The following PPM1B variants were observed in gnomAD, a reference collection of about 807,000 sequenced individuals.
PPM1B encodes the protein protein phosphatase, Mg2+/Mn2+ dependent 1B.
A neutral mutation model predicts 43.0 loss-of-function variants in PPM1B; 22 were observed. The ratio of observed to expected loss-of-function variants is 0.51; its 90% CI spans 0.37 to 0.73. The LOEUF (loss-of-function observed/expected upper bound fraction) is 0.73, where lower values mean the gene tolerates loss of function less well. PPM1B is among the 30% of genes least tolerant of loss of function. PPM1B has a pLI of 0.00. For missense variants in PPM1B, 632 were observed against 584.2 expected (o/e 1.08, Z -0.84); for synonymous variants, 217 against 197.9 (o/e 1.10, Z -0.81).
chr2:44,230,389 T>G (rs1478317133), intron 5 of PPM1B, 24 bp from the exon 6 acceptor site: 2 of 1,609,618 alleles, frequency 1.2e-6, no homozygotes, highest in Non-Finnish European at 8.5e-7. Context: ...CTACTGACAC[T>G]GGGGTCTTGA....
At chr2:44,218,571 T>C in intron 5 of PPM1B, 34 bp downstream of exon 5, 1 of 1,403,218 alleles carries the variant, frequency 7.1e-7, no homozygotes, top group Non-Finnish European at 9.9e-7. Flanking sequence ...GCATTTGAAG[T>C]AATTTCACAA....
At position 44,169,141 on chromosome 2, in the gene PPM1B, C is replaced by CGGAGGCGGT; in HGVS notation, c.-140_-139insTGGAGGCGG. On this transcript the variant is annotated 5_prime_UTR_variant, in exon 1 of 6. Transcript: ENST00000282412. ...AGGGGCCGGGCGGTGTAAACAGCCC[C>CGGAGGCGGT]GGAGGCGGCGGTCGAGACCCCGAGG... The CGGAGGCGGT allele has an allele frequency of 7.9e-5, 2 of 25,402 alleles. No homozygotes were observed. Among genetic ancestry groups the CGGAGGCGGT allele is most frequent in the South Asian group, 1.6e-4 (1 of 6,162 alleles). The allele number at this position is 25,402 out of a possible 1,614,324, so 1.6% of individuals were successfully genotyped here. A position where few individuals can be genotyped will look rare whatever the true frequency, so the allele number is the denominator to read the frequency against.
Position 44,218,533 on chromosome 2 carries a change from A to G in PPM1B, c.1130A>G (p.Asp377Gly). The G allele has an allele frequency of 8.2e-6, 13 of 1,579,084 alleles. No homozygotes were observed. Among genetic ancestry groups the G allele is most frequent in the African/African-American group, 1.4e-5 (1 of 72,886 alleles). ...AGACTGAATCCACATAGAGAAAGTG[A>G]TGGGGTAAGTTTTATTTTATTTCAT... Reference protein sequence around the residue: ...YSRLNPHRESDGASDEAEESG... With the variant: ...YSRLNPHRESGGASDEAEESG... Residue 377 changes from aspartate to glycine, a missense_variant, in exon 5 of 6, where the codon GAT becomes GGT. Coordinates refer to ENST00000282412, the MANE Select transcript of PPM1B (RefSeq NM_002706.6).
At chr2:44,212,301 T>G (rs1306935387) in intron 3 of PPM1B, among the ~76,000 whole-genome samples, 1 of 152,184 alleles carries the variant, frequency 6.6e-6, no homozygotes, top group Non-Finnish European at 1.5e-5. Flanking sequence ...GAAAGAAACC[T>G]GTCCTCTACT....
intron 5 of PPM1B, among the ~76,000 whole-genome samples, chr2:44,227,386 A>G (rs1453919569): frequency 1.3e-5 from 2 of 152,212 alleles, no homozygotes; most frequent in Non-Finnish European, 2.9e-5. Context: ...AAAATAAAGT[A>G]TCTAGAACTC....
intron 1 of PPM1B, among the ~76,000 whole-genome samples, chr2:44,173,625 G>C (rs1667451893): frequency 6.6e-6 from 1 of 152,024 alleles, no homozygotes; most frequent in South Asian, 2.1e-4. Flanking sequence ...GTTATTGCTT[G>C]GCATAACATA....
intron 3 of PPM1B, chr2:44,209,549 A>ATAC: frequency 1.2e-5 from 5 of 413,178 alleles, no homozygotes; most frequent in South Asian, 9.0e-5. Flanking sequence ...TGGCAGGCTG[A>ATAC]GGCGGGCAGA....
chr2:44,210,694 T>A (rs1235842717), intron 3 of PPM1B, among the ~76,000 whole-genome samples: 1 of 152,126 alleles, frequency 6.6e-6, no homozygotes, highest in East Asian at 1.9e-4. Context: ...TCCTTCCCTC[T>A]CCACCTCTCT....
At chr2:44,193,845 C>T (rs897151563) in intron 1 of PPM1B, among the ~76,000 whole-genome samples, 58 of 152,058 alleles carry the variant, frequency 3.8e-4, no homozygotes, top group African/African-American at 1.2e-3. Context: ...TCCCACAGTG[C>T]TGGGATTACA....
intron 5 of PPM1B, 67 bp downstream of exon 5, chr2:44,218,604 A>G: frequency 9.3e-7 from 1 of 1,076,700 alleles, no homozygotes; most frequent in East Asian, 2.5e-5. Context: ...ATATGAATAC[A>G]TTCACATTAA....
At chr2:44,234,823 T>C (rs1246806889), downstream of PPM1B, among the ~76,000 whole-genome samples, 4 of 152,250 alleles carry the variant, frequency 2.6e-5, no homozygotes, top group Non-Finnish European at 5.9e-5. Context: ...AATTACATGT[T>C]AATATATAAA....
At chr2:44,209,465 T>A in intron 3 of PPM1B, 138 bp downstream of exon 3, 2 of 933,866 alleles carry the variant, frequency 2.1e-6, no homozygotes, top group Non-Finnish European at 3.1e-6. Flanking sequence ...GAAAGTATTC[T>A]TTTTGTTTAT....
At chr2:44,178,626 AC>A (rs1558388396) in intron 1 of PPM1B, among the ~76,000 whole-genome samples, 1 of 151,658 alleles carries the variant, frequency 6.6e-6, no homozygotes, top group Non-Finnish European at 1.5e-5. Context: ...CTGCCACCAC[AC>A]CCAGCTAATT....
intron 2 of PPM1B, among the ~76,000 whole-genome samples, chr2:44,205,354 G>T (rs5029572): frequency 1.3e-3 from 117 of 91,816 alleles, no homozygotes; most frequent in Admixed American, 8.7e-3. Context: ...TGTGGGTGTG[G>T]GTGTGTGTGT....
rs558714401 is a variant in PPM1B, at chr2:44,198,824, TA to T, written c.-14-2358del. On this transcript the variant is annotated intron_variant, in intron 1 of 5. Transcript: ENST00000282412. ...TTCTTACTTTTGGTCATAGGGCTGG[TA>T]AAAGTGCAGGTAGTGTCTGGCATTT... 1.8e-3 allele frequency among the ~76,000 whole-genome samples: 281 copies of T among 152,276 alleles called. 6 individuals carry two copies. The highest frequency in any genetic ancestry group is 2.9e-4 in the Non-Finnish European group (20 of 68,018).
chr2:44,212,589 A>C (rs1487130369), intron 3 of PPM1B, among the ~76,000 whole-genome samples: 1 of 152,160 alleles, frequency 6.6e-6, no homozygotes, highest in African/African-American at 2.4e-5. Flanking sequence ...AATTGCTGAT[A>C]TGTTTGAGTT....
chr2:44,236,426 A>AAAAAAAAAAAAAAAAC, downstream of PPM1B, among the ~76,000 whole-genome samples: 1 of 149,222 alleles, frequency 6.7e-6, no homozygotes, highest in Non-Finnish European at 1.5e-5. Context: ...AAAAAAAAAA[A>AAAAAAAAAAAAAAAAC]AGTTGTAATG....
chr2:44,170,508 T>G (rs1306215443), intron 1 of PPM1B, among the ~76,000 whole-genome samples: 5 of 152,252 alleles, frequency 3.3e-5, no homozygotes, highest in Non-Finnish European at 7.3e-5. Flanking sequence ...ACACAGGAAC[T>G]GTCTTTATTT....
intron 5 of PPM1B, among the ~76,000 whole-genome samples, chr2:44,219,541 T>C (rs1042544004): frequency 1.3e-5 from 2 of 152,206 alleles, no homozygotes; most frequent in Admixed American, 6.5e-5. Flanking sequence ...AATATAATTT[T>C]AGTGAGTCAT....
Sources: gnomAD v4.1 joint callset for allele counts (sites outside exome capture counted in the v4.1 genomes callset) on GRCh38, gnomAD v4.1.1 for gene constraint, MANE v1.5 for transcripts, NCBI Gene and HGNC (gene_info 2026-07-23, HGNC 2026-07-21) for gene names.